NFAM1: variants seen among roughly 807,000 people sequenced by gnomAD.
The protein encoded by NFAM1 is NFAT activating protein with ITAM motif 1, also known as NFAT activation molecule 1.
NFAM1 carries 17 observed loss-of-function variants against 29.0 expected under a neutral mutation model. That is an observed-to-expected ratio of 0.59 (90% CI 0.40 to 0.88). The LOEUF is 0.88. Among genes scored for constraint, NFAM1 ranks in the 40% least tolerant of loss-of-function variants. The probability of loss-of-function intolerance (pLI) is 0.00; values close to 1 mark genes in which losing one functional copy is unlikely to be tolerated. For synonymous variants in NFAM1, 175 were observed against 147.2 expected (o/e 1.19, Z -1.36); for missense variants, 324 against 344.6 (o/e 0.94, Z 0.47).
rs760279373 is a variant in NFAM1, at chr22:42,411,567, T to G, written c.291A>C (p.Thr97=). The G allele has an allele frequency of 6.2e-7, 1 of 1,614,206 alleles. No homozygotes were observed. The highest frequency in any genetic ancestry group is 1.1e-5 in the South Asian group (1 of 91,090). ...CTGTGCCCAGTCCAGGGTGGCAGTT[T>G]GTTGGCTTCTTAGGGCTCCTCTGTC... is the stretch of plus-strand genomic sequence containing the variant. The part of the protein sequence containing the change: ...LQGQRSPKKP[T]NCHPGLGTEN... Residue 97 remains threonine, a synonymous_variant, in exon 2 of 6, where the codon ACA becomes ACC. Coordinates refer to ENST00000329021, the MANE Select transcript of NFAM1 (RefSeq NM_145912.8).
In NFAM1 at chr22:42,382,601, T is replaced by G. The variant is rs937863186; in HGVS notation, c.*2560A>C. The G allele has an allele frequency of 1.3e-5, 2 of 152,492 alleles. No homozygotes were observed. Among genetic ancestry groups the G allele is most frequent in the African/African-American group, 4.8e-5 (2 of 41,394 alleles). The allele number at this position is 152,492 out of a possible 1,614,324, so 9.4% of individuals were successfully genotyped here. A position where few individuals can be genotyped will look rare whatever the true frequency, so the allele number is the denominator to read the frequency against. On this transcript the variant is annotated 3_prime_UTR_variant, in exon 6 of 6. Coordinates refer to ENST00000329021, the MANE Select transcript of NFAM1 (RefSeq NM_145912.8). The stretch of plus-strand genomic sequence containing the variant: ...CCTCTCTGTTCTTCCTCCTCCCGCC[T>G]GCCCCATGCACCTCCCACCCTGAAG...
chr22:42,383,906 C>G lies in NFAM1; in HGVS notation c.*1255G>C, dbSNP rs1206647708. ...AGCCCAACAGCCCGGGGCACCCGGA[C>G]CCCAGCCACTGCCTGCCTGTGGATG... On this transcript the variant is annotated 3_prime_UTR_variant, in exon 6 of 6. Transcript: ENST00000329021. 6.5e-6 allele frequency: 1 copy of G among 152,768 alleles called. No homozygotes were observed. Among genetic ancestry groups the G allele is most frequent in the African/African-American group, 2.4e-5 (1 of 41,456 alleles). The allele number at this position is 152,768 out of a possible 1,614,324, so 9.5% of individuals were successfully genotyped here.
chr22:42,385,464 C>A (rs776057866), intron 5 of NFAM1, among the ~76,000 whole-genome samples: 4 of 151,956 alleles, frequency 2.6e-5, no homozygotes, highest in African/African-American at 4.8e-5. Flanking sequence ...GAGCTTCCCC[C>A]ACAGCTCTGC....
chr22:42,389,284 G>A (rs1929252800), intron 4 of NFAM1, among the ~76,000 whole-genome samples: 1 of 152,146 alleles, frequency 6.6e-6, no homozygotes, highest in Non-Finnish European at 1.5e-5. Flanking sequence ...CCCATACAGT[G>A]GGGGAGTCGG....
At position 42,383,197 on chromosome 22, in the gene NFAM1, C is replaced by G. The variant is rs2147084404; in HGVS notation, c.*1964G>C. The G allele has an allele frequency of 6.5e-6, 1 of 153,092 alleles. No individual in the cohort carries two copies. Among genetic ancestry groups the G allele is most frequent in the East Asian group, 1.9e-4 (1 of 5,206 alleles). 9.5% of individuals were successfully genotyped at this position (153,092 alleles called of 1,614,324 possible). Reference sequence around the variant, plus strand: ...TGAGTCCCAGCCAAGGGTCCAGGGTCTAGGAGCTGAGGTCAGAGAGGCCCA... The same window carrying G: ...TGAGTCCCAGCCAAGGGTCCAGGGTGTAGGAGCTGAGGTCAGAGAGGCCCA... On this transcript the variant is annotated 3_prime_UTR_variant, in exon 6 of 6. Coordinates refer to ENST00000329021, the MANE Select transcript of NFAM1 (RefSeq NM_145912.8).
intron 1 of NFAM1, among the ~76,000 whole-genome samples, chr22:42,420,070 G>C (rs1214958986): frequency 1.5e-5 from 2 of 134,540 alleles, no homozygotes; most frequent in Non-Finnish European, 3.0e-5. Context: ...GAGTGAAATG[G>C]CACGATCTCG....
intron 1 of NFAM1, among the ~76,000 whole-genome samples, chr22:42,426,364 G>A (rs560388509): frequency 2.9e-4 from 44 of 152,280 alleles, no homozygotes; most frequent in Admixed American, 5.9e-4. Context: ...GGGTGCGTGG[G>A]GAGCAGAAAC....
rs1930375996 is a variant in NFAM1 at position 42,419,857 on chromosome 22, G to C, written c.122-8121C>G. 6.6e-6 allele frequency among the ~76,000 whole-genome samples: 1 copy of C among 152,118 alleles called. No individual in the cohort carries two copies. Among genetic ancestry groups the C allele is most frequent in the African/African-American group, 2.4e-5 (1 of 41,420 alleles). ...AAGCCATGTGATCAGAAGAGCCAAT[G>C]TCCCCTGGGTTTGGTTTCACCTTTT... is the stretch of plus-strand genomic sequence containing the variant. On this transcript the variant is annotated intron_variant, in intron 1 of 5. Coordinates refer to ENST00000329021, the MANE Select transcript of NFAM1 (RefSeq NM_145912.8). This position sits in a 1 kb window ranked among gnomAD's most constrained non-coding sequence, Gnocchi z 4.5.
At chr22:42,425,306 A>C (rs948406323) in intron 1 of NFAM1, among the ~76,000 whole-genome samples, 1 of 152,052 alleles carries the variant, frequency 6.6e-6, no homozygotes, top group Non-Finnish European at 1.5e-5. Flanking sequence ...CGCATTAGTG[A>C]TTCCTTCTGT....
chr22:42,428,126 A>C (rs1161463379), intron 1 of NFAM1, among the ~76,000 whole-genome samples: 1 of 152,134 alleles, frequency 6.6e-6, no homozygotes, highest in African/African-American at 2.4e-5. Flanking sequence ...CCACCCAACC[A>C]CAATCTGCAT....
At chr22:42,414,701 C>A (rs1930200552) in intron 1 of NFAM1, among the ~76,000 whole-genome samples, 1 of 151,966 alleles carries the variant, frequency 6.6e-6, no homozygotes, top group South Asian at 2.1e-4. Flanking sequence ...TACCCTGTGG[C>A]CCCCTCGACC....
At chr22:42,392,936 G>A (rs1218202444) in intron 4 of NFAM1, among the ~76,000 whole-genome samples, 2 of 151,888 alleles carry the variant, frequency 1.3e-5, no homozygotes, top group Non-Finnish European at 1.5e-5. Context: ...AGCAGCTGAG[G>A]CAACAGGTGT....
At position 42,397,938 on chromosome 22, in the gene NFAM1, C is replaced by T. The variant is rs778644182; in HGVS notation, c.583G>A (p.Gly195Arg). 1.6e-5 allele frequency: 25 copies of T among 1,599,990 alleles called. No homozygotes were observed. Among genetic ancestry groups the T allele is most frequent in the Non-Finnish European group, 2.0e-5 (24 of 1,171,182 alleles). ...GGGCACTTCCTGGTGGGGTCCTTCCCTGGACCCCGCATCCGCTTCTGTAGG... is the reference window on the plus strand; with the variant it reads ...GGGCACTTCCTGGTGGGGTCCTTCCTTGGACCCCGCATCCGCTTCTGTAGG... ...LWNKKRMRGP[G>R]KDPTRKCPDP... Residue 195 changes from glycine to arginine, a missense_variant, in exon 4 of 6, where the codon GGG becomes AGG. Physicochemically the swap from Gly to Arg is moderately radical, Grantham distance 125. Coordinates refer to ENST00000329021, the MANE Select transcript of NFAM1 (RefSeq NM_145912.8).
the NFAM1 span, among the ~76,000 whole-genome samples, chr22:42,437,688 C>G: frequency 6.6e-6 from 1 of 152,232 alleles, no homozygotes; most frequent in African/African-American, 2.4e-5. Flanking sequence ...ACGCCCTCAC[C>G]TGAGATTTCC....
At chr22:42,386,032 G>T (rs113148086) in intron 5 of NFAM1, among the ~76,000 whole-genome samples, 1 of 152,154 alleles carries the variant, frequency 6.6e-6, no homozygotes, top group African/African-American at 2.4e-5. Context: ...AGTTGGTATT[G>T]CAGGAAAACA....
rs1247871261 is a variant in NFAM1 at position 42,411,419 on chromosome 22, T to G, written c.439A>C (p.Ile147Leu). Residue 147 changes from isoleucine to leucine, a missense_variant, in exon 2 of 6, where the codon ATC (isoleucine) becomes CTC (leucine). Physicochemically the swap from Ile to Leu is conservative, Grantham distance 5. Transcript: ENST00000329021. ...HSTVRGSGTFILVRDAGYREP... is the reference protein window; with the variant it reads ...HSTVRGSGTFLLVRDAGYREP... ...GAGGAAGCCTTACCTCTGACCAGGA[T>G]GAAGGTGCCGCTGCCTCTCACCGTG... 8 of 1,613,198 alleles carry G rather than the reference T, an allele frequency of 5.0e-6. No individual in the cohort carries two copies. The highest frequency in any genetic ancestry group is 1.1e-5 in the South Asian group (1 of 90,986).
intron 1 of NFAM1, among the ~76,000 whole-genome samples, chr22:42,421,325 G>A (rs886429147): frequency 6.6e-6 from 1 of 151,386 alleles, no homozygotes; most frequent in African/African-American, 2.4e-5. Context: ...GTGGGGTGGT[G>A]GGCACCTGTA....
At chr22:42,391,318 T>C in intron 4 of NFAM1, among the ~76,000 whole-genome samples, 1 of 120,492 alleles carries the variant, frequency 8.3e-6, no homozygotes, top group East Asian at 2.9e-4. Flanking sequence ...CCAGGATCAT[T>C]GGCTACTGCC....
intron 4 of NFAM1, among the ~76,000 whole-genome samples, chr22:42,392,554 G>T (rs1929380361): frequency 6.6e-6 from 1 of 152,170 alleles, no homozygotes; most frequent in African/African-American, 2.4e-5. Context: ...ACGGCAGGGA[G>T]CTGGAGGGGG....
Sources: allele counts gnomAD v4.1 joint callset (sites outside exome capture counted in the v4.1 genomes callset), GRCh38; gene constraint gnomAD v4.1.1; non-coding constraint Gnocchi (gnomAD v3.1); transcripts MANE v1.5; gene names NCBI Gene and HGNC (gene_info 2026-07-23, HGNC 2026-07-21).